Variants in KIF13A observed in about 807,000 individuals in gnomAD.
KIF13A encodes the protein kinesin family member 13A, also known as kinesin-like protein KIF13A.
KIF13A carries 79 observed loss-of-function variants against 212.2 expected under a neutral mutation model. The ratio of observed to expected loss-of-function variants is 0.37; its 90% CI spans 0.31 to 0.45. The LOEUF (loss-of-function observed/expected upper bound fraction) is 0.45. Ranked by LOEUF, KIF13A falls within the 20% of genes least tolerant of loss-of-function variation. The pLI is 1.00. For missense variants in KIF13A, 1,901 were observed against 2,209.0 expected (o/e 0.86, Z 2.79); for synonymous variants, 789 against 808.6 (o/e 0.98, Z 0.41).
chr6:17,879,290 T>C (rs1016414334), intron 3 of KIF13A, among the ~76,000 whole-genome samples: 9 of 152,320 alleles, frequency 5.9e-5, no homozygotes, highest in African/African-American at 1.9e-4. Context: ...ATGCACCCCA[T>C]AGTGCCTGTT....
chr6:17,797,754 C>T (rs746934537), intron 22 of KIF13A, among the ~76,000 whole-genome samples: 2 of 152,044 alleles, frequency 1.3e-5, no homozygotes, highest in Non-Finnish European at 2.9e-5. Context: ...AAAAACTAGC[C>T]GGGTGTGGTG....
In KIF13A at chr6:17,918,236, G is replaced by A. The variant is rs1774726096; in HGVS notation, c.147-20056C>T. ...CACTCACCCTGGGTTCTCTCCTATC[G>A]GGTCTGGCATAGTGCTTGACGTGCA... On this transcript the variant is annotated intron_variant, in intron 2 of 38. Coordinates refer to ENST00000259711, the MANE Select transcript of KIF13A (RefSeq NM_022113.6). The surrounding 1 kb of genome is among the most constrained non-coding windows in gnomAD (Gnocchi z 4.8). Among the ~76,000 whole-genome samples, 1 of 151,876 alleles carries A rather than the reference G, an allele frequency of 6.6e-6. No homozygotes were observed. The highest frequency in any genetic ancestry group is 2.4e-5 in the African/African-American group (1 of 41,318).
chr6:17,880,857 C>T (rs1771001720), intron 3 of KIF13A, among the ~76,000 whole-genome samples: 1 of 152,046 alleles, frequency 6.6e-6, no homozygotes, highest in Non-Finnish European at 1.5e-5. Context: ...TGACCCCAAG[C>T]AATTCTCCCA....
intron 16 of KIF13A, among the ~76,000 whole-genome samples, chr6:17,822,861 G>A (rs1444609525): frequency 6.6e-6 from 1 of 152,224 alleles, no homozygotes; most frequent in Non-Finnish European, 1.5e-5. Flanking sequence ...CTCCCAATTG[G>A]TGGGGAAGTA....
rs1049258828 is a variant in KIF13A, at chr6:17,768,979, AT to A, written c.4581+2134del. Among the ~76,000 whole-genome samples the A allele has an allele frequency of 6.7e-6, 1 of 150,102 alleles. No homozygotes were observed. Among genetic ancestry groups the A allele is most frequent in the African/African-American group, 2.4e-5 (1 of 41,292 alleles). ...AATCAAGCATAGCCATGTTTACTAT[AT>A]TTTATGTGAAATTACAGAAGTTACT... On this transcript the variant is annotated intron_variant, in intron 38 of 38. Coordinates refer to ENST00000259711, the MANE Select transcript of KIF13A (RefSeq NM_022113.6). The surrounding 1 kb of genome is among the most constrained non-coding windows in gnomAD (Gnocchi z 5.4).
In KIF13A at chr6:17,895,091, A is replaced by G. The variant is rs1772443205; in HGVS notation, c.159+3077T>C. ...TTAATTTCGGTTTTGGGTTTTTCAGATTGAGGATTTATTTCTATTGGGTTA... is the reference window on the plus strand; with the variant it reads ...TTAATTTCGGTTTTGGGTTTTTCAGGTTGAGGATTTATTTCTATTGGGTTA... On this transcript the variant is annotated intron_variant, in intron 3 of 38. Transcript: ENST00000259711. This position sits in a 1 kb window ranked among gnomAD's most constrained non-coding sequence, Gnocchi z 4.4. Among the ~76,000 whole-genome samples the G allele has an allele frequency of 6.6e-6, 1 of 152,152 alleles. No homozygotes were observed. Among genetic ancestry groups the G allele is most frequent in the Non-Finnish European group, 1.5e-5 (1 of 68,024 alleles).
intron 2 of KIF13A, among the ~76,000 whole-genome samples, chr6:17,917,684 C>T (rs1447691403): frequency 2.0e-5 from 3 of 152,158 alleles, no homozygotes; most frequent in African/African-American, 7.2e-5. Context: ...AGTTCAGGGC[C>T]TTTAATATAT....
chr6:17,771,279 A>T lies in KIF13A; in HGVS notation c.4477-61T>A. On this transcript the variant is annotated intron_variant, in intron 37 of 38. Coordinates refer to ENST00000259711, the MANE Select transcript of KIF13A (RefSeq NM_022113.6). The surrounding 1 kb of genome is among the most constrained non-coding windows in gnomAD (Gnocchi z 5.4). ...AAAGACGACAACGGCCAAAATACAT[A>T]TTAAGTACATGCAAGTTAGAAAAGC... 9.7e-7 allele frequency: 1 copy of T among 1,035,260 alleles called. No individual in the cohort carries two copies. The highest frequency in any genetic ancestry group is 1.5e-6 in the Non-Finnish European group (1 of 673,392). 64.1% of individuals were successfully genotyped at this position (1,035,260 alleles called of 1,614,324 possible).
rs543574521 is a variant in KIF13A at position 17,764,622 on chromosome 6, A to C, written c.4906T>G (p.Ser1636Ala). The C allele has an allele frequency of 3.7e-6, 6 of 1,613,688 alleles. No individual in the cohort carries two copies. Among genetic ancestry groups the C allele is most frequent in the Non-Finnish European group, 4.2e-6 (5 of 1,179,850 alleles). The change falls in exon 39 of 39, where the codon TCC (serine) becomes GCC (alanine). Residue 1636 changes from serine to alanine, a missense_variant. Physicochemically the swap from Ser to Ala is moderately conservative, Grantham distance 99. Around this residue, in one of 5 missense-constraint regions of KIF13A, gnomAD observed 687 missense variants for 759.1 expected, o/e 0.90. Transcript: ENST00000259711. This position sits in a 1 kb window ranked among gnomAD's most constrained non-coding sequence, Gnocchi z 5.1. ...QTKDADSTEH[S>A]TPSLVHDFRP... ...AAATCATGCACAAGCGATGGTGTGGAGTGCTCGGTGGAGTCTGCATCCTTC... is the reference window on the plus strand; with the variant it reads ...AAATCATGCACAAGCGATGGTGTGGCGTGCTCGGTGGAGTCTGCATCCTTC...
rs1039121648 is a variant in KIF13A at position 17,811,792 on chromosome 6, C to CT, written c.2001-2863dup. ...GAATGACATTCCCAAAATATCTCAT[C>CT]TTTTTTTTTCTTCCTTCCTTCCTTC... On this transcript the variant is annotated intron_variant, in intron 17 of 38. Transcript: ENST00000259711. This position sits in a 1 kb window ranked among gnomAD's most constrained non-coding sequence, Gnocchi z 6.0. Among the ~76,000 whole-genome samples the CT allele has an allele frequency of 4.0e-5, 6 of 151,694 alleles. No individual in the cohort carries two copies. Among genetic ancestry groups the CT allele is most frequent in the African/African-American group, 1.2e-4 (5 of 41,298 alleles).
chr6:17,796,253 G>A (rs914232925), intron 23 of KIF13A, among the ~76,000 whole-genome samples: 2 of 149,088 alleles, frequency 1.3e-5, no homozygotes, highest in East Asian at 1.9e-4. Flanking sequence ...CCAGGCTGGA[G>A]TGCAGTGGCA....
chr6:17,814,095 G>A (rs1357709796), intron 17 of KIF13A, among the ~76,000 whole-genome samples: 1 of 151,580 alleles, frequency 6.6e-6, no homozygotes, highest in Non-Finnish European at 1.5e-5. Context: ...TGGGACTACA[G>A]GCGCCCGCCA....
intron 2 of KIF13A, among the ~76,000 whole-genome samples, chr6:17,957,415 T>C (rs1172393335): frequency 6.6e-6 from 1 of 152,162 alleles, no homozygotes; most frequent in Admixed American, 6.5e-5. Context: ...TATGTATCTC[T>C]TCATCTGGCT....
rs1765201360 is a variant in KIF13A at position 17,828,973 on chromosome 6, T to C, written c.1402-603A>G. Among the ~76,000 whole-genome samples the C allele has an allele frequency of 6.7e-6, 1 of 150,224 alleles. No homozygotes were observed. The highest frequency in any genetic ancestry group is 2.4e-5 in the African/African-American group (1 of 40,902). On this transcript the variant is annotated intron_variant, in intron 13 of 38. Coordinates refer to ENST00000259711, the MANE Select transcript of KIF13A (RefSeq NM_022113.6). This position sits in a 1 kb window ranked among gnomAD's most constrained non-coding sequence, Gnocchi z 4.3. ...TGTGATTTTTTTTTTTTTGACATGG[T>C]GTCTCACTCTGTCACCCAGGCTGGA...
At position 17,865,911 on chromosome 6, in the gene KIF13A, C is replaced by T. The variant is rs987559260; in HGVS notation, c.220+7466G>A. Among the ~76,000 whole-genome samples, 9 of 152,328 alleles carry T rather than the reference C, an allele frequency of 5.9e-5. No individual in the cohort carries two copies. The Middle Eastern group carries it at 0.017, about 288-fold the overall frequency. On this transcript the variant is annotated intron_variant, in intron 4 of 38. Transcript: ENST00000259711. Reference sequence around the variant, plus strand: ...CTCATCCAGATGGATGTTTCCACCACAGCAACAGCACTGGGGCTGGCCATG... The same window carrying T: ...CTCATCCAGATGGATGTTTCCACCATAGCAACAGCACTGGGGCTGGCCATG...
chr6:17,946,956 C>T (rs1333131858), intron 2 of KIF13A, among the ~76,000 whole-genome samples: 1 of 152,154 alleles, frequency 6.6e-6, no homozygotes, highest in Non-Finnish European at 1.5e-5. Context: ...ATACATTTAT[C>T]AAAGCTCATC....
intron 12 of KIF13A, among the ~76,000 whole-genome samples, chr6:17,833,497 CAAAAA>C (rs59654452): frequency 0.016 from 1,608 of 97,966 alleles, 31 homozygotes; most frequent in African/African-American, 0.061. Flanking sequence ...ACCTTGTCTT[CAAAAA>C]AAAAAAAAAA....
intron 9 of KIF13A, among the ~76,000 whole-genome samples, chr6:17,840,074 T>C (rs925806351): frequency 5.9e-5 from 9 of 152,110 alleles, no homozygotes; most frequent in African/African-American, 1.9e-4. Flanking sequence ...TGACTAGGGC[T>C]GTGGGTGGGG....
chr6:17,981,732 A>T (rs1042815400), intron 2 of KIF13A, among the ~76,000 whole-genome samples: 2 of 152,050 alleles, frequency 1.3e-5, no homozygotes, highest in Non-Finnish European at 2.9e-5. Context: ...GTCCGGCCTT[A>T]TTCTTTGCTT....
Sources: gnomAD v4.1 joint callset for allele counts (sites outside exome capture counted in the v4.1 genomes callset) on GRCh38, gnomAD v4.1.1 for gene constraint, gnomAD v4.1.1 regional missense constraint, Gnocchi (gnomAD v3.1) non-coding constraint, MANE v1.5 for transcripts, NCBI Gene and HGNC (gene_info 2026-07-23, HGNC 2026-07-21) for gene names.